MAN1C1: variants seen among roughly 807,000 people sequenced by gnomAD.
MAN1C1 encodes the protein mannosidase alpha class 1C member 1.
Under a neutral mutation model 71.5 loss-of-function variants are expected in MAN1C1, and 49 were observed. That is an observed-to-expected ratio of 0.69 (90% CI 0.54 to 0.87). The LOEUF (loss-of-function observed/expected upper bound fraction) is 0.87. MAN1C1 is among the 40% of genes least tolerant of loss of function. The pLI is 0.00. For missense variants in MAN1C1, 743 were observed against 835.0 expected, an observed-to-expected ratio of 0.89 and a Z score of 1.36; for synonymous variants, 352 against 343.7, an observed-to-expected ratio of 1.02 and a Z score of -0.27.
Position 25,778,379 on chromosome 1 carries a change from G to T in MAN1C1, c.1477+55G>T. 1 of 1,521,142 alleles carries T rather than the reference G, an allele frequency of 6.6e-7. No homozygotes were observed. Among genetic ancestry groups the T allele is most frequent in the Non-Finnish European group, 8.9e-7 (1 of 1,123,298 alleles). The allele number at this position is 1,521,142 out of a possible 1,614,324, so 94.2% of individuals were successfully genotyped here. On this transcript the variant is annotated intron_variant, in intron 9 of 11. Coordinates refer to ENST00000374332, the MANE Select transcript of MAN1C1 (RefSeq NM_020379.4). This position sits in a 1 kb window ranked among gnomAD's most constrained non-coding sequence, Gnocchi z 5.5. ...AGAGACTGAGGCTAGACACCAGGAA[G>T]AACTGGAAAGACCGGCAGCAGTGAG...
intron 2 of MAN1C1, among the ~76,000 whole-genome samples, chr1:25,702,551 G>A (rs527804781): frequency 1.3e-5 from 2 of 152,302 alleles, no homozygotes; most frequent in African/African-American, 4.8e-5. Flanking sequence ...CCTGGAGGGA[G>A]GATCCCAGGG....
Position 25,686,524 on chromosome 1 carries a change from G to T in MAN1C1, c.625G>T (p.Gly209Cys). Reference protein sequence around the residue: ...LRPLTKDGYEGNMFGGLSGAT... With the variant: ...LRPLTKDGYECNMFGGLSGAT... ...TCCACTAACAAAAGATGGCTACGAG[G>T]GTAACATGTTCGGTGAGTCGATTCA... Residue 209 changes from glycine (G) to cysteine (C), a missense_variant, in exon 2 of 12, where the codon GGT (glycine) becomes TGT (cysteine). Transcript: ENST00000374332. The T allele has an allele frequency of 1.9e-6, 3 of 1,614,096 alleles. No homozygotes were observed. The highest frequency in any genetic ancestry group is 2.5e-6 in the Non-Finnish European group (3 of 1,179,974).
At chr1:25,705,223 G>A (rs1039786260) in intron 2 of MAN1C1, among the ~76,000 whole-genome samples, 8 of 152,082 alleles carry the variant, frequency 5.3e-5, no homozygotes, top group Admixed American at 2.6e-4. Flanking sequence ...CTGCAGATGC[G>A]TTCCCATACA....
chr1:25,686,540 A>G lies in MAN1C1; in HGVS notation c.637+4A>G. The G allele has an allele frequency of 6.2e-7, 1 of 1,613,732 alleles. No individual in the cohort carries two copies. Among genetic ancestry groups the G allele is most frequent in the Non-Finnish European group, 8.5e-7 (1 of 1,179,652 alleles). On this transcript the variant is annotated splice_donor_region_variant and intron_variant, in intron 2 of 11. Transcript: ENST00000374332. ...GGCTACGAGGGTAACATGTTCGGTG[A>G]GTCGATTCAAACCACTTTGATATTG...
rs531483590 is a variant in MAN1C1 at position 25,771,761 on chromosome 1, G to A, written c.1246G>A (p.Glu416Lys). The A allele has an allele frequency of 8.1e-6, 13 of 1,612,758 alleles. No individual in the cohort carries two copies. In the Admixed American group the frequency reaches 8.3e-5, roughly 10 times the overall value. The change falls in exon 8 of 12, where the codon GAA becomes AAA. Residue 416 changes from glutamate (E) to lysine (K), a missense_variant. Glu to Lys is a moderately conservative substitution (Grantham distance 56). Transcript: ENST00000374332. ...TDMEAKNMYY[E>K]ALEAIETYLL... The stretch of plus-strand genomic sequence containing the variant: ...TATGGAGGCTAAAAATATGTACTAC[G>A]AAGCCTTGGAGGTAAGACAAGCCCT...
intron 1 of MAN1C1, among the ~76,000 whole-genome samples, chr1:25,672,917 G>C (rs1453989039): frequency 6.6e-6 from 1 of 152,268 alleles, no homozygotes; most frequent in African/African-American, 2.4e-5. Flanking sequence ...TTACACAGAG[G>C]AATGGCATTT....
chr1:25,729,663 C>T (rs997710026), intron 2 of MAN1C1, among the ~76,000 whole-genome samples: 1 of 152,042 alleles, frequency 6.6e-6, no homozygotes, highest in African/African-American at 2.4e-5. Flanking sequence ...AGGCGCCCAC[C>T]ACCACGCCCA....
At chr1:25,674,184 G>A (rs897191000) in intron 1 of MAN1C1, among the ~76,000 whole-genome samples, 1 of 152,216 alleles carries the variant, frequency 6.6e-6, no homozygotes, top group African/African-American at 2.4e-5. Context: ...TGCTCTTGCT[G>A]TTGTGGCCTC....
chr1:25,781,255 A>T, intron 10 of MAN1C1, 143 bp downstream of exon 10: 1 of 869,434 alleles, frequency 1.2e-6, no homozygotes, highest in Non-Finnish European at 1.8e-6. Context: ...GCAAAGGGTC[A>T]AGGTGGTGGT....
intron 1 of MAN1C1, among the ~76,000 whole-genome samples, chr1:25,684,447 T>A (rs2046199844): frequency 1.3e-5 from 2 of 152,158 alleles, no homozygotes; most frequent in Non-Finnish European, 2.9e-5. Flanking sequence ...TGGGGGGGTG[T>A]CAGCTGCCCT....
chr1:25,616,826 C>T lies in MAN1C1; in HGVS notation c.-972C>T, dbSNP rs1437180450. ...CGAGCGGCGGCGGCGGCGGGGACGG[C>T]GGTGGAGGCGGCCGGGTGGCTGTGC... On this transcript the variant is annotated 5_prime_UTR_variant, in exon 1 of 12. Coordinates refer to ENST00000374332, the MANE Select transcript of MAN1C1 (RefSeq NM_020379.4). The surrounding 1 kb of genome is among the most constrained non-coding windows in gnomAD (Gnocchi z 5.6). 4.1e-5 allele frequency among the ~76,000 whole-genome samples: 6 copies of T among 148,020 alleles called. No homozygotes were observed. Among genetic ancestry groups the T allele is most frequent in the East Asian group, 3.9e-4 (2 of 5,116 alleles).
At chr1:25,658,043 C>T (rs1329411639) in intron 1 of MAN1C1, among the ~76,000 whole-genome samples, 1 of 152,244 alleles carries the variant, frequency 6.6e-6, no homozygotes, top group African/African-American at 2.4e-5. Flanking sequence ...TGCCTGCTGC[C>T]CTGCCCCCTG....
At chr1:25,618,935 T>G (rs2045161008) in intron 1 of MAN1C1, among the ~76,000 whole-genome samples, 1 of 152,180 alleles carries the variant, frequency 6.6e-6, no homozygotes, top group Non-Finnish European at 1.5e-5. Context: ...TGTACACAAT[T>G]GTACATAATT....
intron 6 of MAN1C1, 85 bp downstream of exon 6, chr1:25,758,794 T>TC: frequency 8.4e-7 from 1 of 1,196,720 alleles, no homozygotes; most frequent in Non-Finnish European, 1.2e-6. Context: ...GAGTGGGTCC[T>TC]CCCTCATGGA....
At chr1:25,712,007 G>A (rs1257743182) in intron 2 of MAN1C1, among the ~76,000 whole-genome samples, 3 of 152,172 alleles carry the variant, frequency 2.0e-5, no homozygotes, top group Non-Finnish European at 4.4e-5. Flanking sequence ...GACCACAGAG[G>A]AGGCGACAAG....
intron 1 of MAN1C1, among the ~76,000 whole-genome samples, chr1:25,633,155 GTGCCTGGCCAC>G (rs552403073): frequency 1.8e-4 from 27 of 152,306 alleles, no homozygotes; most frequent in African/African-American, 6.5e-4. Context: ...ATGAGCCACT[GTGCCTGGCCAC>G]AATTTCGATA....
intron 1 of MAN1C1, among the ~76,000 whole-genome samples, chr1:25,647,573 A>C (rs2045633049): frequency 6.6e-6 from 1 of 152,002 alleles, no homozygotes. Context: ...ATTGATTCTT[A>C]CCTGGGGGTT....
Position 25,715,930 on chromosome 1 carries a change from G to A in MAN1C1, c.637+29394G>A, listed in dbSNP as rs536236294. Among the ~76,000 whole-genome samples, 49 of 152,250 alleles carry A rather than the reference G, an allele frequency of 3.2e-4. 2 individuals carry two copies. The highest frequency in any genetic ancestry group is 2.6e-3 in the Admixed American group (40 of 15,296). ...GGACTGGAGTAGCGACCCCACCATC[G>A]TCAGGGACTTAGGTTCCACTGTTTA... On this transcript the variant is annotated intron_variant, in intron 2 of 11. Transcript: ENST00000374332.
intron 7 of MAN1C1, among the ~76,000 whole-genome samples, chr1:25,767,920 CCCACACAGA>C (rs2047467770): frequency 8.8e-6 from 1 of 113,576 alleles, no homozygotes; most frequent in Non-Finnish European, 1.8e-5. Flanking sequence ...TACACACTCC[CCCACACAGA>C]CCCACACACC....
Sources: allele counts gnomAD v4.1 joint callset (sites outside exome capture counted in the v4.1 genomes callset), GRCh38; gene constraint gnomAD v4.1.1; non-coding constraint Gnocchi (gnomAD v3.1); transcripts MANE v1.5; gene names NCBI Gene and HGNC (gene_info 2026-07-23, HGNC 2026-07-21).